The following SOCS7 variants were observed in gnomAD, a reference collection of about 807,000 sequenced individuals.
SOCS7 encodes NAP-4.
A neutral mutation model predicts 58.9 loss-of-function variants in SOCS7; 18 were observed. The observed-to-expected ratio is 0.31, with a 90% CI of 0.21 to 0.45. SOCS7 has a LOEUF of 0.45. SOCS7 is among the 20% of genes least tolerant of loss of function. The probability of loss-of-function intolerance (pLI) is 1.00; values close to 1 mark genes in which losing one functional copy is unlikely to be tolerated. For synonymous variants in SOCS7, 388 were observed against 364.3 expected, an observed-to-expected ratio of 1.06 and a Z score of -0.74; for missense variants, 667 against 837.3, an observed-to-expected ratio of 0.80 and a Z score of 2.51.
At chr17:38,382,245 TAG>T (rs904780535) in intron 7 of SOCS7, among the ~76,000 whole-genome samples, 2 of 151,712 alleles carry the variant, frequency 1.3e-5, no homozygotes, top group Admixed American at 6.6e-5. Context: ...CTGGATAATG[TAG>T]AGAGACCTCA....
At chr17:38,375,648 A>AT (rs1377148364) in intron 6 of SOCS7, among the ~76,000 whole-genome samples, 9 of 151,940 alleles carry the variant, frequency 5.9e-5, no homozygotes, top group Middle Eastern at 6.8e-3. Context: ...TTATATGTGG[A>AT]TTTTTTATTT....
intron 7 of SOCS7, among the ~76,000 whole-genome samples, chr17:38,381,175 A>G (rs571112504): frequency 3.3e-4 from 51 of 152,300 alleles, no homozygotes; most frequent in African/African-American, 1.2e-3. Flanking sequence ...ATATCTGTGT[A>G]TACTTAAAAT....
intron 7 of SOCS7, among the ~76,000 whole-genome samples, chr17:38,385,226 C>T (rs1348831566): frequency 1.3e-5 from 2 of 151,734 alleles, no homozygotes; most frequent in Non-Finnish European, 2.9e-5. Flanking sequence ...AGTTTTCTTC[C>T]TCCATTTCTT....
At chr17:38,395,204 C>T in intron 7 of SOCS7, 105 bp from the exon 8 acceptor site, 1 of 1,181,098 alleles carries the variant, frequency 8.5e-7, no homozygotes, top group Non-Finnish European at 1.2e-6. Context: ...CATATATGAA[C>T]CATAAAGAAG....
intron 1 of SOCS7, among the ~76,000 whole-genome samples, chr17:38,359,877 A>G (rs189401782): frequency 0.01 from 1,536 of 151,490 alleles, 11 homozygotes; most frequent in South Asian, 0.02. Context: ...TCCCAGGTTC[A>G]GGTGACCCTC....
chr17:38,365,378 C>G lies in SOCS7; in HGVS notation c.1221C>G (p.Pro407=). Residue 407 remains proline (P), a synonymous_variant, in exon 4 of 10, where the codon CCC becomes CCG. Coordinates refer to ENST00000612932, the MANE Select transcript of SOCS7 (RefSeq NM_014598.4). ...APMGSSLQSF[P]LPPPPPPHAP... ...TGGGGTCTTCCTTGCAGTCTTTCCC[C>G]CTACCTCCGCCTCCTCCACCCCATG... 6.2e-7 allele frequency: 1 copy of G among 1,612,452 alleles called. No homozygotes were observed. Among genetic ancestry groups the G allele is most frequent in the Non-Finnish European group, 8.5e-7 (1 of 1,179,254 alleles).
intron 7 of SOCS7, among the ~76,000 whole-genome samples, chr17:38,382,474 T>C (rs1425502722): frequency 6.6e-6 from 1 of 150,804 alleles, no homozygotes; most frequent in Non-Finnish European, 1.5e-5. Context: ...ATGCTTTGAA[T>C]TGGACAGCTC....
At position 38,352,315 on chromosome 17, in the gene SOCS7, C is replaced by A; in HGVS notation, c.263C>A (p.Ser88Ter). 1 of 1,485,212 alleles carries A rather than the reference C, an allele frequency of 6.7e-7. No individual in the cohort carries two copies. The highest frequency in any genetic ancestry group is 2.9e-5 in the East Asian group (1 of 34,662). The allele number at this position is 1,485,212 out of a possible 1,614,324, so 92.0% of individuals were successfully genotyped here. ...GAGGCGGCCCCGGAGCCGGGACCCTCGGAACTGCTGTGTCCCCGGCACCGC... is the reference window on the plus strand; with the variant it reads ...GAGGCGGCCCCGGAGCCGGGACCCTAGGAACTGCTGTGTCCCCGGCACCGC... ...DVEAAPEPGPSELLCPRHRCA... is the reference protein window; with the variant it reads ...DVEAAPEPGP Residue 88 changes from serine (S) to a stop codon, truncating the protein, a stop_gained, in exon 1 of 10, where the codon TCG becomes TAG. Transcript: ENST00000612932. LOFTEE classifies it high-confidence loss of function. The surrounding 1 kb of genome is among the most constrained non-coding windows in gnomAD (Gnocchi z 5.5).
rs1176665593 is a variant in SOCS7 at position 38,361,726 on chromosome 17, A to C, written c.996A>C (p.Thr332=). The change falls in exon 2 of 10, where the codon ACA becomes ACC. Residue 332 remains threonine (T), a synonymous_variant. Transcript: ENST00000612932. ...CACTCCCTAGGAAACCCAAGTTGACAAGAACTCAAAGTGCCTTTTCTCCGG... is the reference window on the plus strand; with the variant it reads ...CACTCCCTAGGAAACCCAAGTTGACCAGAACTCAAAGTGCCTTTTCTCCGG... ...ELDAGRKPKL[T]RTQSAFSPVS... 2 of 1,613,556 alleles carry C rather than the reference A, an allele frequency of 1.2e-6. No individual in the cohort carries two copies. Among genetic ancestry groups the C allele is most frequent in the Non-Finnish European group, 1.7e-6 (2 of 1,179,726 alleles).
chr17:38,365,808 C>G (rs942544455), intron 4 of SOCS7: 1 of 201,948 alleles, frequency 5.0e-6, no homozygotes, highest in South Asian at 1.7e-4. Flanking sequence ...TAAATAAGTA[C>G]CAAGCATTTA....
chr17:38,355,548 C>A (rs1462407486), intron 1 of SOCS7, among the ~76,000 whole-genome samples: 4 of 152,102 alleles, frequency 2.6e-5, no homozygotes, highest in African/African-American at 9.7e-5. Flanking sequence ...GGATTTTTAG[C>A]TTGTTCTCTT....
At position 38,387,133 on chromosome 17, in the gene SOCS7, G is replaced by GTGTATATATA. The variant is rs1269515665; in HGVS notation, c.1682-8175_1682-8174insGTATATATAT. Among the ~76,000 whole-genome samples, 50 of 73,482 alleles carry GTGTATATATA rather than the reference G, an allele frequency of 6.8e-4. 3 individuals carry two copies. Among genetic ancestry groups the GTGTATATATA allele is most frequent in the African/African-American group, 3.4e-3 (48 of 14,278 alleles). The allele number at this position is 73,482 out of a possible 152,430, so 48.2% of individuals were successfully genotyped here. A position where few individuals can be genotyped will look rare whatever the true frequency, so the allele number is the denominator to read the frequency against. ...TATATATATATATATATATATGTAT[G>GTGTATATATA]TATATATATATATATATATGATTAA... On this transcript the variant is annotated intron_variant, in intron 7 of 9. Coordinates refer to ENST00000612932, the MANE Select transcript of SOCS7 (RefSeq NM_014598.4).
At chr17:38,396,910 ATGTCTTG>A (rs1401837726) in intron 9 of SOCS7, among the ~76,000 whole-genome samples, 1 of 152,110 alleles carries the variant, frequency 6.6e-6, no homozygotes, top group African/African-American at 2.4e-5. Flanking sequence ...TAAATATCTA[ATGTCTTG>A]TGTCTAGGTG....
chr17:38,362,404 A>T (rs1041592063), intron 2 of SOCS7, among the ~76,000 whole-genome samples: 1 of 152,202 alleles, frequency 6.6e-6, no homozygotes, highest in East Asian at 1.9e-4. Context: ...TTTTTCAGAG[A>T]GGGAGACCTT....
In SOCS7 at chr17:38,399,733, TG is replaced by T. The variant is rs1316131430; in HGVS notation, c.*253del. ...GGACTGGAGGGGCTCCTTGGAAAAC[TG>T]GAAGAAGTCTCAACACTGTTTCTTT... is the stretch of plus-strand genomic sequence containing the variant. On this transcript the variant is annotated 3_prime_UTR_variant, in exon 10 of 10. Coordinates refer to ENST00000612932, the MANE Select transcript of SOCS7 (RefSeq NM_014598.4). The T allele has an allele frequency of 2.0e-5, 3 of 152,686 alleles. No individual in the cohort carries two copies. Among genetic ancestry groups the T allele is most frequent in the African/African-American group, 7.2e-5 (3 of 41,448 alleles). 9.5% of individuals were successfully genotyped at this position (152,686 alleles called of 1,614,324 possible).
At position 38,371,754 on chromosome 17, in the gene SOCS7, G is replaced by GTTT. The variant is rs770296566; in HGVS notation, c.1552+3726_1552+3728dup. On this transcript the variant is annotated intron_variant, in intron 6 of 9. Coordinates refer to ENST00000612932, the MANE Select transcript of SOCS7 (RefSeq NM_014598.4). ...GAGCCACTGTGCCTGGCCCTTTTGT[G>GTTT]TTTTTTTTTTTTTTTTTTTTTTTTG... Among the ~76,000 whole-genome samples, 619 of 71,966 alleles carry GTTT rather than the reference G, an allele frequency of 8.6e-3. 2 individuals carry two copies. The highest frequency in any genetic ancestry group is 0.012 in the African/African-American group (221 of 18,188). The allele number at this position is 71,966 out of a possible 152,430, so 47.2% of individuals were successfully genotyped here. A position where few individuals can be genotyped will look rare whatever the true frequency, so the allele number is the denominator to read the frequency against.
Position 38,377,699 on chromosome 17 carries a change from A to G in SOCS7, c.1553-15A>G. 1 of 1,592,494 alleles carries G rather than the reference A, an allele frequency of 6.3e-7. No individual in the cohort carries two copies. Among genetic ancestry groups the G allele is most frequent in the Non-Finnish European group, 8.5e-7 (1 of 1,173,640 alleles). On this transcript the variant is annotated splice_polypyrimidine_tract_variant and intron_variant, in intron 6 of 9. Transcript: ENST00000612932. The stretch of plus-strand genomic sequence containing the variant: ...GTAAGTTTTAAAATTTTTACTTCTT[A>G]ATTTTCCATGGCAGGAACCTTCAGC...
intron 3 of SOCS7, 124 bp from the exon 4 acceptor site, chr17:38,365,183 TG>T (rs1320392014): frequency 1.5e-6 from 1 of 662,762 alleles, no homozygotes; most frequent in Non-Finnish European, 2.6e-6. Context: ...GCAAAAAGAC[TG>T]GGTGAAGGTT....
chr17:38,393,645 C>T (rs1340180984), intron 7 of SOCS7, among the ~76,000 whole-genome samples: 2 of 141,206 alleles, frequency 1.4e-5, no homozygotes, highest in Non-Finnish European at 3.1e-5. Flanking sequence ...CTTAAAAAAA[C>T]AAACAAACAC....
Sources: gnomAD v4.1 joint callset for allele counts (sites outside exome capture counted in the v4.1 genomes callset) on GRCh38, gnomAD v4.1.1 for gene constraint, Gnocchi (gnomAD v3.1) non-coding constraint, MANE v1.5 for transcripts, NCBI Gene and HGNC (gene_info 2026-07-23, HGNC 2026-07-21) for gene names.